The following EFCAB12 variants were observed in gnomAD, a reference collection of about 807,000 sequenced individuals.
EFCAB12 encodes the protein EF-hand calcium-binding domain-containing protein 12.
A neutral mutation model predicts 53.6 loss-of-function variants in EFCAB12; 43 were observed. That is an observed-to-expected ratio of 0.80 (90% CI 0.63 to 1.03). The LOEUF is 1.03. Among genes scored for constraint, EFCAB12 ranks in the 50% least tolerant of loss-of-function variants. The pLI, the probability that EFCAB12 is intolerant of heterozygous loss-of-function variation, is 0.00. For missense variants in EFCAB12, 646 were observed against 730.6 expected (o/e 0.88, Z 1.34); for synonymous variants, 269 against 289.2 (o/e 0.93, Z 0.71).
In EFCAB12 at chr3:129,418,400, GC is replaced by G; in HGVS notation, c.534del (p.Gln178HisfsTer48). 6.2e-7 allele frequency: 1 copy of G among 1,613,428 alleles called. No homozygotes were observed. The highest frequency in any genetic ancestry group is 1.1e-5 in the South Asian group (1 of 90,956). On this transcript the variant is annotated frameshift_variant, in exon 3 of 9. Transcript: ENST00000505956. LOFTEE classifies it high-confidence loss of function. ...LSRLSRQMVP[Q>X]LQLPEPPALS... ...AGGGCAGGGGGCTCGGGCAGCTGGAGCTGGGGCACCATCTGGCGGGACAGCC... is the reference window on the plus strand; with the variant it reads ...AGGGCAGGGGGCTCGGGCAGCTGGAGTGGGGCACCATCTGGCGGGACAGCC...
chr3:129,410,616 A>G (rs2107737583), intron 5 of EFCAB12, among the ~76,000 whole-genome samples: 1 of 152,296 alleles, frequency 6.6e-6, no homozygotes, highest in East Asian at 1.9e-4. Flanking sequence ...CCACTCCCAG[A>G]CTATATTATA....
In EFCAB12 at chr3:129,401,829, T is replaced by G. The variant is rs760567890; in HGVS notation, c.1483A>C (p.Ser495Arg). Residue 495 changes from serine to arginine, a missense_variant, in exon 9 of 9, where the codon AGT (serine) becomes CGT (arginine). Physicochemically the swap from Ser to Arg is moderately radical, Grantham distance 110 (BLOSUM62 -1). Transcript: ENST00000505956. ...FTRKLKVKRS[S>R]GLQQTHPNSF... ...TTGGGGTGTGTTTGCTGCAGACCACTGGACCTCTTCACCTTCAGCTTCCTG... is the reference window on the plus strand; with the variant it reads ...TTGGGGTGTGTTTGCTGCAGACCACGGGACCTCTTCACCTTCAGCTTCCTG... The G allele has an allele frequency of 6.2e-7, 1 of 1,612,716 alleles. No homozygotes were observed. The highest frequency in any genetic ancestry group is 8.5e-7 in the Non-Finnish European group (1 of 1,179,114).
Position 129,401,551 on chromosome 3 carries a change from C to T in EFCAB12, c.*42G>A. 6.7e-7 allele frequency: 1 copy of T among 1,482,536 alleles called. No homozygotes were observed. The highest frequency in any genetic ancestry group is 9.0e-7 in the Non-Finnish European group (1 of 1,108,724). The allele number at this position is 1,482,536 out of a possible 1,614,324, so 91.8% of individuals were successfully genotyped here. On this transcript the variant is annotated 3_prime_UTR_variant, in exon 9 of 9. Transcript: ENST00000505956. ...GCTCTGGGCCGCTGGCTGCACTGGC[C>T]CCTGGCCCAGGAAGGCTGGGTCCGG...
chr3:129,428,531 G>A lies in EFCAB12; in HGVS notation c.-43C>T, dbSNP rs2072298430. 1.3e-6 allele frequency: 2 copies of A among 1,599,622 alleles called. No individual in the cohort carries two copies. Among genetic ancestry groups the A allele is most frequent in the Non-Finnish European group, 1.7e-6 (2 of 1,172,308 alleles). On this transcript the variant is annotated 5_prime_UTR_variant, in exon 1 of 9. Coordinates refer to ENST00000505956, the MANE Select transcript of EFCAB12 (RefSeq NM_207307.3). ...GGGGTGCTGAAGGGCGTGTGTGAAT[G>A]TGTGTCGATGTGGGCTTGCTTGCGT...
chr3:129,404,084 G>T, intron 7 of EFCAB12, 166 bp downstream of exon 7: 1 of 840,180 alleles, frequency 1.2e-6, no homozygotes, highest in Non-Finnish European at 1.8e-6. Context: ...GGGTGACCCG[G>T]GACTGGCCAG....
At position 129,411,254 on chromosome 3, in the gene EFCAB12, C is replaced by T; in HGVS notation, c.939G>A (p.Val313=). ...TCTCCATCTGCGTGTCGACTGCAGG[C>T]ACCGTCAGTAGGTCCACTTTGGGAA... ...PQLPKVDLLT[V]PAVDTQMETR... Residue 313 remains valine, a synonymous_variant, in exon 5 of 9, where the codon GTG becomes GTA. Transcript: ENST00000505956. 1 of 1,613,840 alleles carries T rather than the reference C, an allele frequency of 6.2e-7. No homozygotes were observed. Among genetic ancestry groups the T allele is most frequent in the Non-Finnish European group, 8.5e-7 (1 of 1,179,802 alleles).
chr3:129,428,124 C>T (rs2107744933), intron 1 of EFCAB12, among the ~76,000 whole-genome samples: 1 of 152,310 alleles, frequency 6.6e-6, no homozygotes, highest in South Asian at 2.1e-4. Flanking sequence ...GAACTTGGTC[C>T]CCAGCACATT....
chr3:129,415,913 T>C (rs186436906), intron 3 of EFCAB12, among the ~76,000 whole-genome samples: 18 of 152,318 alleles, frequency 1.2e-4, no homozygotes, highest in Admixed American at 2.6e-4. Flanking sequence ...GCCAGCAACA[T>C]TGGATATTCA....
rs556715613 is a variant in EFCAB12, at chr3:129,401,940, G to C, written c.1461-89C>G. ...GCAGAGCCCACCAACTGTGACCAAAGTGGAGATTTAGCACTGTGCCAAGCA... is the reference window on the plus strand; with the variant it reads ...GCAGAGCCCACCAACTGTGACCAAACTGGAGATTTAGCACTGTGCCAAGCA... On this transcript the variant is annotated intron_variant, in intron 8 of 8. Transcript: ENST00000505956. The C allele has an allele frequency of 3.6e-5, 54 of 1,506,924 alleles. No homozygotes were observed. In the African/African-American group the frequency reaches 6.5e-4, roughly 18 times the overall value. The allele number at this position is 1,506,924 out of a possible 1,614,324, so 93.3% of individuals were successfully genotyped here.
intron 4 of EFCAB12, chr3:129,414,411 G>C (rs1192169846): frequency 6.6e-6 from 1 of 152,250 alleles, no homozygotes; most frequent in Non-Finnish European, 1.5e-5. Context: ...GTGTGACTCA[G>C]GGAGGACAAG....
intron 3 of EFCAB12, among the ~76,000 whole-genome samples, chr3:129,417,341 C>CAAA (rs1236887523): frequency 0.026 from 1,620 of 63,252 alleles, 15 homozygotes; most frequent in Non-Finnish European, 0.041. Flanking sequence ...AAAAAAAAAC[C>CAAA]AAAAAAAAAA....
chr3:129,410,603 A>G (rs571871719), intron 5 of EFCAB12, among the ~76,000 whole-genome samples: 1 of 152,254 alleles, frequency 6.6e-6, no homozygotes, highest in South Asian at 2.1e-4. Flanking sequence ...CAGGTGCGAG[A>G]CACCACTCCC....
intron 1 of EFCAB12, among the ~76,000 whole-genome samples, chr3:129,423,584 C>T (rs930681962): frequency 6.6e-6 from 1 of 152,094 alleles, no homozygotes; most frequent in Non-Finnish European, 1.5e-5. Context: ...GCTGAGATTA[C>T]CCGCATTGTA....
At chr3:129,406,143 G>A (rs2071948010) in intron 6 of EFCAB12, among the ~76,000 whole-genome samples, 1 of 152,096 alleles carries the variant, frequency 6.6e-6, no homozygotes, top group Non-Finnish European at 1.5e-5. Context: ...CAGGGCACAT[G>A]GCAAGCTGGC....
chr3:129,413,990 T>C (rs3733151), intron 4 of EFCAB12: 9,750 of 152,244 alleles, frequency 0.064, 947 homozygotes, highest in East Asian at 0.44. Flanking sequence ...ACACAGATAA[T>C]GATAAGCTTG....
chr3:129,414,434 A>G (rs2072085498), intron 4 of EFCAB12: 1 of 152,220 alleles, frequency 6.6e-6, no homozygotes, highest in Non-Finnish European at 1.5e-5. Flanking sequence ...AGCCCCAAAC[A>G]TGCATGAGAT....
chr3:129,412,493 G>A (rs2072058512), intron 4 of EFCAB12: 3 of 152,100 alleles, frequency 2.0e-5, no homozygotes, highest in Middle Eastern at 3.4e-3. Context: ...CTGACCGACC[G>A]ACCAGATCGC....
chr3:129,402,453 C>T (rs2107734630), intron 8 of EFCAB12, 70 bp downstream of exon 8: 40 of 1,521,230 alleles, frequency 2.6e-5, no homozygotes, highest in Non-Finnish European at 3.6e-5. Context: ...TGCAGAGTCC[C>T]AGTTGTCTCA....
chr3:129,410,619 A>T (rs532712709), intron 5 of EFCAB12, among the ~76,000 whole-genome samples: 8 of 152,288 alleles, frequency 5.3e-5, no homozygotes, highest in Non-Finnish European at 1.0e-4. Context: ...CTCCCAGACT[A>T]TATTATATAT....
Sources: gnomAD v4.1 joint callset for allele counts (sites outside exome capture counted in the v4.1 genomes callset) on GRCh38, gnomAD v4.1.1 for gene constraint, MANE v1.5 for transcripts, NCBI Gene and HGNC (gene_info 2026-07-23, HGNC 2026-07-21) for gene names.